The following ZNF609 variants were observed in gnomAD, a reference collection of about 807,000 sequenced individuals.
ZNF609 encodes zinc finger protein 609.
In ZNF609, 11 loss-of-function variants were observed where a neutral mutation model predicts 109.5. The ratio of observed to expected loss-of-function variants is 0.10; its 90% CI spans 0.06 to 0.17. The LOEUF is 0.17. ZNF609 is among the 10% of genes least tolerant of loss of function. The pLI, the probability that ZNF609 is intolerant of heterozygous loss-of-function variation, is 1.00. For synonymous variants in ZNF609, 646 were observed against 662.0 expected (o/e 0.98, Z 0.37); for missense variants, 1,559 against 1,772.4 (o/e 0.88, Z 2.16).
At position 64,680,291 on chromosome 15, in the gene ZNF609, C is replaced by T; in HGVS notation, c.3876C>T (p.Ser1292=). The T allele has an allele frequency of 6.2e-7, 1 of 1,614,206 alleles. No individual in the cohort carries two copies. The highest frequency in any genetic ancestry group is 8.5e-7 in the Non-Finnish European group (1 of 1,180,050). ...CCAGCCCCAGTGTGACTTGTAAATC[C>T]AGCTCAGAGTCCAAAGCCCTGGACA... ...ARASPSVTCK[S]SSESKALDIL... Residue 1292 remains serine, a synonymous_variant, in exon 7 of 10, where the codon TCC becomes TCT. Transcript: ENST00000326648.
chr15:64,657,720 A>T (rs1450615957), intron 3 of ZNF609, among the ~76,000 whole-genome samples: 1 of 152,194 alleles, frequency 6.6e-6, no homozygotes, highest in Non-Finnish European at 1.5e-5. Context: ...GACTATTGGG[A>T]TAGTCTACAG....
intron 2 of ZNF609, among the ~76,000 whole-genome samples, chr15:64,605,061 G>A (rs1057349065): frequency 6.6e-6 from 1 of 152,034 alleles, no homozygotes; most frequent in African/African-American, 2.4e-5. Flanking sequence ...TTGATCTCCT[G>A]ACCTCGTGAT....
rs951319279 is a variant in ZNF609 at position 64,473,191 on chromosome 15, C to CTTTTTTTTTTTTTTTTTTTT, written c.-128+12358_-128+12377dup. Among the ~76,000 whole-genome samples, 9 of 76,076 alleles carry CTTTTTTTTTTTTTTTTTTTT rather than the reference C, an allele frequency of 1.2e-4. 1 individual carries two copies. Among genetic ancestry groups the CTTTTTTTTTTTTTTTTTTTT allele is most frequent in the African/African-American group, 5.9e-4 (9 of 15,354 alleles). 49.9% of individuals were successfully genotyped at this position (76,076 alleles called of 152,430 possible). A position where few individuals can be genotyped will look rare whatever the true frequency, so the allele number is the denominator to read the frequency against. ...TAAAACTTTTGACTCATATTTGGTT[C>CTTTTTTTTTTTTTTTTTTTT]TTTTTTTTTTTTTTTTTTTTTTTTG... is the stretch of plus-strand genomic sequence containing the variant. On this transcript the variant is annotated intron_variant, in intron 1 of 9. Coordinates refer to ENST00000326648, the MANE Select transcript of ZNF609 (RefSeq NM_015042.2).
At chr15:64,617,073 G>T (rs1201723548) in intron 2 of ZNF609, among the ~76,000 whole-genome samples, 2 of 152,028 alleles carry the variant, frequency 1.3e-5, no homozygotes, top group Non-Finnish European at 2.9e-5. Flanking sequence ...CTCCCAAAGT[G>T]CTGGGATTAC....
intron 2 of ZNF609, among the ~76,000 whole-genome samples, chr15:64,511,246 T>C (rs1595703379): frequency 6.6e-6 from 1 of 151,664 alleles, no homozygotes; most frequent in Non-Finnish European, 1.5e-5. Flanking sequence ...CCGAGGCAGG[T>C]GGATCATCTG....
intron 3 of ZNF609, among the ~76,000 whole-genome samples, chr15:64,647,323 T>C (rs1414764581): frequency 6.6e-6 from 1 of 152,146 alleles, no homozygotes; most frequent in East Asian, 1.9e-4. Flanking sequence ...TGGAGAATTA[T>C]TGCTTAATGG....
At chr15:64,491,805 G>A (rs1266318420) in intron 1 of ZNF609, among the ~76,000 whole-genome samples, 5 of 151,524 alleles carry the variant, frequency 3.3e-5, no homozygotes, top group South Asian at 2.1e-4. Flanking sequence ...AGACTGTGCC[G>A]TTGCACTCCA....
At chr15:64,464,996 A>T (rs1478897513) in intron 1 of ZNF609, among the ~76,000 whole-genome samples, 1 of 152,042 alleles carries the variant, frequency 6.6e-6, no homozygotes, top group African/African-American at 2.4e-5. Context: ...AGAGAAAGAG[A>T]TTCTTCTGTA....
At chr15:64,544,773 A>G (rs559811895) in intron 2 of ZNF609, among the ~76,000 whole-genome samples, 2 of 152,254 alleles carry the variant, frequency 1.3e-5, no homozygotes, top group East Asian at 1.9e-4. Context: ...CTTTTTACCA[A>G]TCTAGCATGA....
At chr15:64,535,049 A>C (rs1894118648) in intron 2 of ZNF609, among the ~76,000 whole-genome samples, 1 of 151,998 alleles carries the variant, frequency 6.6e-6, no homozygotes, top group Non-Finnish European at 1.5e-5. Flanking sequence ...CCAAAAAAAA[A>C]AAACTGTTAT....
At chr15:64,459,719 ATTTG>A (rs373405231), upstream of ZNF609, among the ~76,000 whole-genome samples, 117 of 152,272 alleles carry the variant, frequency 7.7e-4, 3 homozygotes, top group South Asian at 0.024. Context: ...ATTAAGGTAA[ATTTG>A]TTTGCTATGG....
At chr15:64,517,386 A>G (rs1015165202) in intron 2 of ZNF609, among the ~76,000 whole-genome samples, 4 of 152,172 alleles carry the variant, frequency 2.6e-5, no homozygotes, top group African/African-American at 9.7e-5. Context: ...CAAACAAAAC[A>G]AAACAAAATT....
At chr15:64,621,456 C>T (rs1473898555) in intron 2 of ZNF609, among the ~76,000 whole-genome samples, 5 of 151,914 alleles carry the variant, frequency 3.3e-5, no homozygotes, top group African/African-American at 1.2e-4. Context: ...CTCAAGTGGT[C>T]CTCCCACCTC....
intron 1 of ZNF609, among the ~76,000 whole-genome samples, chr15:64,483,028 A>C (rs1012453094): frequency 2.0e-5 from 3 of 152,216 alleles, no homozygotes; most frequent in Admixed American, 6.5e-5. Context: ...TATGTAAAGT[A>C]AATATTCATA....
Position 64,684,024 on chromosome 15 carries a change from C to T in ZNF609, c.*2338C>T, listed in dbSNP as rs568425064. ...CATTTGGCTCTTTGATCCTCATATC[C>T]AAGTCTCCCCTGAAGAGTAGGAGCT... On this transcript the variant is annotated 3_prime_UTR_variant, in exon 10 of 10. Transcript: ENST00000326648. 7.2e-5 allele frequency: 11 copies of T among 152,282 alleles called. No homozygotes were observed. The East Asian group carries it at 1.9e-3, about 27-fold the overall frequency. The allele number at this position is 152,282 out of a possible 1,614,324, so 9.4% of individuals were successfully genotyped here. A position where few individuals can be genotyped will look rare whatever the true frequency, so the allele number is the denominator to read the frequency against.
At chr15:64,481,912 G>A (rs1261386585) in intron 1 of ZNF609, among the ~76,000 whole-genome samples, 1 of 152,054 alleles carries the variant, frequency 6.6e-6, no homozygotes, top group Non-Finnish European at 1.5e-5. Context: ...AGCCTCCTGA[G>A]TAGCTGGGAT....
chr15:64,525,201 A>G lies in ZNF609; in HGVS notation c.747+25035A>G, dbSNP rs114545701. ...GATACTAGTGTTTTCTAAGATTTTT[A>G]TGGTTATAGCTCTTACATTTAGGTA... On this transcript the variant is annotated intron_variant, in intron 2 of 9. Coordinates refer to ENST00000326648, the MANE Select transcript of ZNF609 (RefSeq NM_015042.2). Among the ~76,000 whole-genome samples, 1,241 of 152,210 alleles carry G rather than the reference A, an allele frequency of 8.2e-3. 19 individuals are homozygous for G. The highest frequency in any genetic ancestry group is 0.029 in the African/African-American group (1,194 of 41,524).
intron 2 of ZNF609, among the ~76,000 whole-genome samples, chr15:64,525,638 G>C (rs1893958405): frequency 1.3e-5 from 2 of 152,128 alleles, no homozygotes; most frequent in Admixed American, 1.3e-4. Context: ...AGATTGTATT[G>C]AATCTGTCAG....
chr15:64,528,384 A>T (rs868859292), intron 2 of ZNF609, among the ~76,000 whole-genome samples: 3 of 146,074 alleles, frequency 2.1e-5, no homozygotes, highest in Non-Finnish European at 3.0e-5. Flanking sequence ...AAAAAAATTT[A>T]TTATTATTAT....
Sources: gnomAD v4.1 joint callset for allele counts (sites outside exome capture counted in the v4.1 genomes callset) on GRCh38, gnomAD v4.1.1 for gene constraint, MANE v1.5 for transcripts, NCBI Gene and HGNC (gene_info 2026-07-23, HGNC 2026-07-21) for gene names.